KIF25: variants seen among roughly 807,000 people sequenced by gnomAD.
KIF25 encodes the protein kinesin family member 25.
A neutral mutation model predicts 32.9 loss-of-function variants in KIF25; 19 were observed. The ratio of observed to expected loss-of-function variants is 0.58; its 90% CI spans 0.40 to 0.85. The LOEUF is 0.85. Ranked by LOEUF, KIF25 falls within the 40% of genes least tolerant of loss-of-function variation. The pLI is 0.00. For synonymous variants in KIF25, 225 were observed against 213.7 expected, an observed-to-expected ratio of 1.05 and a Z score of -0.46; for missense variants, 485 against 507.0, an observed-to-expected ratio of 0.96 and a Z score of 0.42.
intron 4 of KIF25, among the ~76,000 whole-genome samples, chr6:168,007,569 T>C (rs1372529900): frequency 6.6e-6 from 1 of 152,196 alleles, no homozygotes; most frequent in Non-Finnish European, 1.5e-5. Flanking sequence ...GCTCTCTCTG[T>C]TAAAAGGTGA....
intron 11 of KIF25, among the ~76,000 whole-genome samples, 199 bp from the exon 12 acceptor site, chr6:168,042,362 G>A (rs1433592627): frequency 6.6e-6 from 1 of 152,164 alleles, no homozygotes; most frequent in Admixed American, 6.5e-5. Flanking sequence ...GGGCCCTCTG[G>A]GAACAGAAAA....
rs1798454147 is a variant in KIF25 at position 167,998,568 on chromosome 6, G to T, written c.-901G>T. The T allele has an allele frequency of 6.6e-6, 1 of 152,162 alleles. No individual in the cohort carries two copies. The highest frequency in any genetic ancestry group is 2.4e-5 in the African/African-American group (1 of 41,444). 9.4% of individuals were successfully genotyped at this position (152,162 alleles called of 1,614,324 possible). A position where few individuals can be genotyped will look rare whatever the true frequency, so the allele number is the denominator to read the frequency against. On this transcript the variant is annotated 5_prime_UTR_variant, in exon 1 of 13. Coordinates refer to ENST00000643607, the MANE Select transcript of KIF25 (RefSeq NM_030615.4). ...CCAGTGGAGTTTATGAGAATAAAAAGCTTCTAATTTCCTTCCAGTCATTAA... is the reference window on the plus strand; with the variant it reads ...CCAGTGGAGTTTATGAGAATAAAAATCTTCTAATTTCCTTCCAGTCATTAA...
Position 168,040,008 on chromosome 6 carries a change from G to A in KIF25, c.495-57G>A, listed in dbSNP as rs7745204. ...CCTGAGCCGAGGAGTCTTGGAAGTC[G>A]CCTTAGGTAAGGGGGGCCGCCCTCA... On this transcript the variant is annotated intron_variant, in intron 9 of 12. Transcript: ENST00000643607. 6,834 of 1,545,256 alleles carry A rather than the reference G, an allele frequency of 4.4e-3. 294 individuals carry two copies. In the African/African-American group the frequency reaches 0.084, roughly 19 times the overall value.
At chr6:168,001,648 C>T (rs1339414763) in intron 2 of KIF25, among the ~76,000 whole-genome samples, 6 of 88,448 alleles carry the variant, frequency 6.8e-5, no homozygotes, top group African/African-American at 2.0e-4. Context: ...CACCTTCAGG[C>T]GTGGCCTCGG....
At chr6:168,035,076 G>GA (rs1262482164) in intron 8 of KIF25, among the ~76,000 whole-genome samples, 1 of 116,432 alleles carries the variant, frequency 8.6e-6, no homozygotes, top group Non-Finnish European at 1.8e-5. Flanking sequence ...AACTGAGGTA[G>GA]AAAAAACAAA....
chr6:168,040,800 A>C (rs114033963), intron 10 of KIF25, among the ~76,000 whole-genome samples: 2 of 152,272 alleles, frequency 1.3e-5, no homozygotes, highest in Non-Finnish European at 2.9e-5. Flanking sequence ...ACCTTGGAGT[A>C]CATGCATTTG....
At position 168,044,951 on chromosome 6, in the gene KIF25, G is replaced by T; in HGVS notation, c.1110G>T (p.Lys370Asn). 6.2e-7 allele frequency: 1 copy of T among 1,610,600 alleles called. No homozygotes were observed. The highest frequency in any genetic ancestry group is 1.7e-4 in the Middle Eastern group (1 of 6,042). The change falls in exon 13 of 13, where the codon AAG (lysine) becomes AAT (asparagine). Residue 370 changes from lysine (K) to asparagine (N), a missense_variant. Lys to Asn is a moderately conservative substitution (Grantham distance 94). Transcript: ENST00000643607. Reference sequence around the variant, plus strand: ...AAGTCCAGCGAGGCCCTGCCCGAAAGAAGCCGCCCAGCTCCCAAACGGAGG... The same window carrying T: ...AAGTCCAGCGAGGCCCTGCCCGAAATAAGCCGCCCAGCTCCCAAACGGAGG... The part of the protein sequence containing the change: ...ARQVQRGPAR[K>N]KPPSSQTEGK...
At chr6:168,034,154 C>G (rs568538027) in intron 8 of KIF25, 123 bp downstream of exon 8, 40 of 922,222 alleles carry the variant, frequency 4.3e-5, no homozygotes, top group African/African-American at 4.3e-4. Context: ...CCCATAATCT[C>G]ATCAGATACA....
At position 167,999,878 on chromosome 6, in the gene KIF25, A is replaced by AC. The variant is rs559498637; in HGVS notation, c.-370+563dup. Among the ~76,000 whole-genome samples the AC allele has an allele frequency of 7.3e-5, 11 of 151,370 alleles. No homozygotes were observed. The East Asian group carries it at 2.2e-3, about 30-fold the overall frequency. On this transcript the variant is annotated intron_variant, in intron 2 of 12. Transcript: ENST00000643607. ...ACTTACTTCCTTCCCCATGAAACAA[A>AC]CCCCCTGGAAATCCCCACTCCCATC...
At position 168,006,119 on chromosome 6, in the gene KIF25, G is replaced by T. The variant is rs555227314; in HGVS notation, c.-163+2416G>T. Among the ~76,000 whole-genome samples the T allele has an allele frequency of 2.0e-4, 30 of 152,216 alleles. 1 individual carries two copies. The highest frequency in any genetic ancestry group is 6.8e-3 in the Middle Eastern group (2 of 292). On this transcript the variant is annotated intron_variant, in intron 4 of 12. Transcript: ENST00000643607. ...TAAAGATAATCCTGATGCCAAAGTGGCATATTTTGGGGTGACATGTTCTGC... is the reference window on the plus strand; with the variant it reads ...TAAAGATAATCCTGATGCCAAAGTGTCATATTTTGGGGTGACATGTTCTGC...
chr6:168,036,041 A>G (rs41266305), intron 8 of KIF25: 16,191 of 253,100 alleles, frequency 0.064, 851 homozygotes, highest in African/African-American at 0.17. Context: ...TATCAGAGAT[A>G]GTTTACAGGA....
In KIF25 at chr6:167,998,035, T is replaced by G. The variant is rs1426070678; in HGVS notation, c.-1434T>G. 6.6e-6 allele frequency among the ~76,000 whole-genome samples: 1 copy of G among 152,226 alleles called. No individual in the cohort carries two copies. Among genetic ancestry groups the G allele is most frequent in the African/African-American group, 2.4e-5 (1 of 41,450 alleles). On this transcript the variant is annotated 5_prime_UTR_variant, in exon 1 of 13. Coordinates refer to ENST00000643607, the MANE Select transcript of KIF25 (RefSeq NM_030615.4). ...AGTGCTTCCTGTGTACCAAGTACTT[T>G]TGAAACCATTTGGTGTATTTTCTTA...
rs1030348105 is a variant in KIF25 at position 168,016,060 on chromosome 6, C to T, written c.-162-1913C>T. Among the ~76,000 whole-genome samples, 4 of 152,106 alleles carry T rather than the reference C, an allele frequency of 2.6e-5. No individual in the cohort carries two copies. The East Asian group carries it at 5.8e-4, about 22-fold the overall frequency. ...ACATTCTGGCATAGCATCAAAGGAA[C>T]GGTCCCCGAAGTGGACAGCAGAAAA... On this transcript the variant is annotated intron_variant, in intron 4 of 12. Transcript: ENST00000643607.
At chr6:168,027,771 G>T (rs542395229) in intron 5 of KIF25, among the ~76,000 whole-genome samples, 1 of 152,318 alleles carries the variant, frequency 6.6e-6, no homozygotes, top group South Asian at 2.1e-4. Context: ...TGAGAAACGG[G>T]TTCTCTGTGT....
At chr6:168,023,533 G>A (rs562440353) in intron 5 of KIF25, among the ~76,000 whole-genome samples, 5 of 152,194 alleles carry the variant, frequency 3.3e-5, no homozygotes, top group African/African-American at 1.2e-4. Context: ...CTCCCAAAGT[G>A]CTGAGATTAC....
Position 168,037,146 on chromosome 6 carries a change from G to A in KIF25, c.318-1407G>A, listed in dbSNP as rs185522230. ...TTTCACTGTTGCACACACTCAGAGT[G>A]TTCTCAGCAAACCCCAGTGCTGAAC... On this transcript the variant is annotated intron_variant, in intron 8 of 12. Transcript: ENST00000643607. 5.3e-3 allele frequency among the ~76,000 whole-genome samples: 809 copies of A among 152,342 alleles called. 5 individuals are homozygous for A. Among genetic ancestry groups the A allele is most frequent in the Non-Finnish European group, 8.2e-3 (560 of 68,038 alleles).
chr6:168,032,744 G>T (rs564015195), intron 7 of KIF25, among the ~76,000 whole-genome samples: 1 of 152,302 alleles, frequency 6.6e-6, no homozygotes, highest in Non-Finnish European at 1.5e-5. Flanking sequence ...CGTTAAACCG[G>T]TATTGATACA....
intron 6 of KIF25, 120 bp downstream of exon 6, chr6:168,029,797 T>A: frequency 1.5e-6 from 2 of 1,300,836 alleles, no homozygotes; most frequent in Non-Finnish European, 2.1e-6. Context: ...AGTGAAAAGT[T>A]AAAAAAGATC....
rs1221934539 is a variant in KIF25, at chr6:167,997,876, C to T, written c.-1593C>T. 3.9e-5 allele frequency among the ~76,000 whole-genome samples: 6 copies of T among 152,156 alleles called. No individual in the cohort carries two copies. In the South Asian group the frequency reaches 8.3e-4, roughly 21 times the overall value. ...GCCCGAGGCCCACGAAGCCAGTGTTCCTGCGAAGCTTCTCTTCCCTGGCCA... is the reference window on the plus strand; with the variant it reads ...GCCCGAGGCCCACGAAGCCAGTGTTTCTGCGAAGCTTCTCTTCCCTGGCCA... On this transcript the variant is annotated 5_prime_UTR_variant, in exon 1 of 13. Coordinates refer to ENST00000643607, the MANE Select transcript of KIF25 (RefSeq NM_030615.4).
Sources: gnomAD v4.1 joint callset for allele counts (sites outside exome capture counted in the v4.1 genomes callset) on GRCh38, gnomAD v4.1.1 for gene constraint, MANE v1.5 for transcripts, NCBI Gene and HGNC (gene_info 2026-07-23, HGNC 2026-07-21) for gene names.